Variants in PCDHGA4 observed in about 807,000 individuals in gnomAD.
The protein encoded by PCDHGA4 is protocadherin gamma subfamily A, 4.
In PCDHGA4, 38 loss-of-function variants were observed where a neutral mutation model predicts 54.6. The observed-to-expected ratio is 0.70, with a 90% CI of 0.54 to 0.91. PCDHGA4 has a LOEUF of 0.91. Ranked by LOEUF, PCDHGA4 falls within the 40% of genes least tolerant of loss-of-function variation. The pLI is 0.00. For synonymous variants in PCDHGA4, 511 were observed against 512.9 expected (o/e 1.00, Z 0.05); for missense variants, 1,298 against 1,220.9 (o/e 1.06, Z -0.94).
chr5:141,453,144 C>T lies in PCDHGA4; in HGVS notation c.2515-41663C>T, dbSNP rs530175947. ...TTGTTTTGTTTTTGAGATAGGGTCT[C>T]GCTATGTCACCCAGGCTGGAGTCCA... On this transcript the variant is annotated intron_variant, in intron 1 of 3. Transcript: ENST00000571252. Among the ~76,000 whole-genome samples, 290 of 152,062 alleles carry T rather than the reference C, an allele frequency of 1.9e-3. 1 individual carries two copies. The highest frequency in any genetic ancestry group is 6.3e-3 in the African/African-American group (260 of 41,478).
At chr5:141,448,802 A>G (rs897172074) in intron 1 of PCDHGA4, among the ~76,000 whole-genome samples, 14 of 152,044 alleles carry the variant, frequency 9.2e-5, no homozygotes, top group Non-Finnish European at 1.8e-4. Flanking sequence ...AAAATTAGCC[A>G]GGCGTGATGG....
At chr5:141,464,009 T>C (rs1187492781) in intron 1 of PCDHGA4, among the ~76,000 whole-genome samples, 1 of 151,950 alleles carries the variant, frequency 6.6e-6, no homozygotes. Context: ...CTCATGCTTG[T>C]AATCCCACAC....
intron 1 of PCDHGA4, chr5:141,407,978 A>ATCCGTCAGCCTCTGGCCTGGGAT (rs2095018425): frequency 2.7e-6 from 2 of 743,974 alleles, no homozygotes; most frequent in Non-Finnish European, 4.1e-6. Context: ...GACGCCGGGG[A>ATCCGTCAGCCTCTGGCCTGGGAT]TCCGTCAGCC....
intron 1 of PCDHGA4, among the ~76,000 whole-genome samples, chr5:141,387,427 GT>G (rs1416187411): frequency 6.6e-6 from 1 of 152,220 alleles, no homozygotes; most frequent in Non-Finnish European, 1.5e-5. Context: ...GTCAATAAAT[GT>G]TTATGTACTT....
Position 141,357,127 on chromosome 5 carries a change from G to A in PCDHGA4, c.2020G>A (p.Val674Ile), listed in dbSNP as rs756766460. The A allele has an allele frequency of 1.2e-6, 2 of 1,613,446 alleles. No homozygotes were observed. The highest frequency in any genetic ancestry group is 1.7e-6 in the Non-Finnish European group (2 of 1,179,912). The change falls in exon 1 of 4, where the codon GTA becomes ATA. Residue 674 changes from valine (V) to isoleucine (I), a missense_variant. By Grantham distance (29) the Val-to-Ile change is conservative. Coordinates refer to ENST00000571252, the MANE Select transcript of PCDHGA4 (RefSeq NM_018917.4). ...CAGAGACGCGCTCAAGCAGAGGCTT[G>A]TAGTGGTCGTCCAGGACCATGGCCA... The part of the protein sequence containing the change: ...LDRDALKQRL[V>I]VVVQDHGQPP...
At chr5:141,395,147 G>A in intron 1 of PCDHGA4, 1 of 1,614,210 alleles carries the variant, frequency 6.2e-7, no homozygotes, top group Non-Finnish European at 8.5e-7. Flanking sequence ...ACGCAGACAT[G>A]CTCATCAGTC....
At position 141,355,838 on chromosome 5, in the gene PCDHGA4, C is replaced by T. The variant is rs201855847; in HGVS notation, c.731C>T (p.Thr244Met). ...EEEAVHHLVL[T>M]AFDGGDPVRS... ...GAGGCGGTTCACCACCTCGTTCTCA[C>T]GGCCTTCGATGGAGGTGACCCGGTT... The change falls in exon 1 of 4, where the codon ACG becomes ATG. Residue 244 changes from threonine (T) to methionine (M), a missense_variant. Coordinates refer to ENST00000571252, the MANE Select transcript of PCDHGA4 (RefSeq NM_018917.4). The T allele has an allele frequency of 8.7e-6, 14 of 1,611,996 alleles. No individual in the cohort carries two copies. In the South Asian group the frequency reaches 9.9e-5, roughly 11 times the overall value.
intron 1 of PCDHGA4, chr5:141,433,267 C>T (rs1462399366): frequency 7.7e-7 from 1 of 1,305,096 alleles, no homozygotes; most frequent in Non-Finnish European, 1.1e-6. Context: ...GATCATAGCT[C>T]ACTGCAGCCT....
Position 141,451,147 on chromosome 5 carries a change from A to G in PCDHGA4, c.2515-43660A>G, listed in dbSNP as rs2098708727. ...CCAGCCTTATGATTGTATTTAGACT[A>G]GACATTTTTTTGGTAGTATATTATT... On this transcript the variant is annotated intron_variant, in intron 1 of 3. Coordinates refer to ENST00000571252, the MANE Select transcript of PCDHGA4 (RefSeq NM_018917.4). Among the ~76,000 whole-genome samples, 3 of 152,250 alleles carry G rather than the reference A, an allele frequency of 2.0e-5. No homozygotes were observed. In the South Asian group the frequency reaches 6.2e-4, roughly 32 times the overall value.
chr5:141,414,435 C>T lies in PCDHGA4; in HGVS notation c.2514+56814C>T, dbSNP rs891322256. 4.3e-6 allele frequency: 7 copies of T among 1,613,678 alleles called. No homozygotes were observed. In the African/African-American group the frequency reaches 8.0e-5, roughly 18 times the overall value. On this transcript the variant is annotated intron_variant, in intron 1 of 3. Coordinates refer to ENST00000571252, the MANE Select transcript of PCDHGA4 (RefSeq NM_018917.4). ...GAGCCCTTGACAGGGAACAGGTATC[C>T]TCTTACAATATCACAGTGACAGCCA...
intron 1 of PCDHGA4, among the ~76,000 whole-genome samples, chr5:141,358,057 G>A (rs2149799917): frequency 6.6e-6 from 1 of 152,298 alleles, no homozygotes; most frequent in East Asian, 1.9e-4. Flanking sequence ...AGGCGTGGTG[G>A]TGTGTGCCCG....
At position 141,491,116 on chromosome 5, in the gene PCDHGA4, GGT is replaced by G. The variant is rs2099708409; in HGVS notation, c.2515-3689_2515-3688del. The G allele has an allele frequency of 1.2e-6, 2 of 1,614,178 alleles. No individual in the cohort carries two copies. Among genetic ancestry groups the G allele is most frequent in the Non-Finnish European group, 1.7e-6 (2 of 1,180,024 alleles). On this transcript the variant is annotated intron_variant, in intron 1 of 3. Transcript: ENST00000571252. This position sits in a 1 kb window ranked among gnomAD's most constrained non-coding sequence, Gnocchi z 6.9. Reference sequence around the variant, plus strand: ...ACTGTTCCTCGTGTCTACACACACTGGTGAGGTGCGCACAGCCCGGGCCTTAC... The same window carrying G: ...ACTGTTCCTCGTGTCTACACACACTGGAGGTGCGCACAGCCCGGGCCTTAC...
chr5:141,464,079 A>G (rs996899520), intron 1 of PCDHGA4, among the ~76,000 whole-genome samples: 3 of 152,124 alleles, frequency 2.0e-5, no homozygotes, highest in Non-Finnish European at 4.4e-5. Flanking sequence ...AGCCTGGCCA[A>G]CATGGTGAAA....
chr5:141,401,689 A>G (rs2094183367), intron 1 of PCDHGA4, among the ~76,000 whole-genome samples: 1 of 152,222 alleles, frequency 6.6e-6, no homozygotes, highest in Non-Finnish European at 1.5e-5. Context: ...ATGGAAGGTG[A>G]ATACAGGATT....
chr5:141,366,779 C>T, intron 1 of PCDHGA4: 2 of 1,585,730 alleles, frequency 1.3e-6, no homozygotes, highest in Non-Finnish European at 1.7e-6. Context: ...GTAAGGATGA[C>T]CAGAACATTT....
chr5:141,360,347 A>G, intron 1 of PCDHGA4: 1 of 1,613,970 alleles, frequency 6.2e-7, no homozygotes, highest in Non-Finnish European at 8.5e-7. Flanking sequence ...GTTAGCGCGG[A>G]GAAGGAATAT....
chr5:141,431,839 T>A lies in PCDHGA4; in HGVS notation c.2515-62968T>A. The A allele has an allele frequency of 1.2e-6, 2 of 1,614,198 alleles. No individual in the cohort carries two copies. The highest frequency in any genetic ancestry group is 1.7e-6 in the Non-Finnish European group (2 of 1,180,028). The stretch of plus-strand genomic sequence containing the variant: ...TCGCCAGCTCGGTTCCCGAAAACTC[T>A]CCCAGAGGGACATTAATTGCCCTTT... On this transcript the variant is annotated intron_variant, in intron 1 of 3. Coordinates refer to ENST00000571252, the MANE Select transcript of PCDHGA4 (RefSeq NM_018917.4). This position sits in a 1 kb window ranked among gnomAD's most constrained non-coding sequence, Gnocchi z 4.8.
Position 141,355,232 on chromosome 5 carries a change from C to G in PCDHGA4, c.125C>G (p.Thr42Ser), listed in dbSNP as rs1759768343. Residue 42 changes from threonine (T) to serine (S), a missense_variant, in exon 1 of 4, where the codon ACC (threonine) becomes AGC (serine). By Grantham distance (58) the Thr-to-Ser change is moderately conservative. Coordinates refer to ENST00000571252, the MANE Select transcript of PCDHGA4 (RefSeq NM_018917.4). ...GCGCCTCCTGCTCGCCCAGACCACA[C>G]CCGGCTGCTCCAGATCTGCCTTCTC... ...MAAPPARPDH[T>S]RLLQICLLLG... 1 of 1,611,712 alleles carries G rather than the reference C, an allele frequency of 6.2e-7. No individual in the cohort carries two copies. Among genetic ancestry groups the G allele is most frequent in the Non-Finnish European group, 8.5e-7 (1 of 1,178,930 alleles).
chr5:141,393,771 C>G (rs1207407733), intron 1 of PCDHGA4: 4 of 1,613,874 alleles, frequency 2.5e-6, no homozygotes, highest in Non-Finnish European at 3.4e-6. Context: ...AATGGAAATA[C>G]AAGCCGAAGA....
Sources: allele counts gnomAD v4.1 joint callset (sites outside exome capture counted in the v4.1 genomes callset), GRCh38; gene constraint gnomAD v4.1.1; non-coding constraint Gnocchi (gnomAD v3.1); transcripts MANE v1.5; gene names NCBI Gene and HGNC (gene_info 2026-07-23, HGNC 2026-07-21).